Variants in PRKN observed in about 807,000 individuals in gnomAD.
PRKN encodes E3 ubiquitin-protein ligase parkin.
PRKN carries 56 observed loss-of-function variants against 59.5 expected under a neutral mutation model. The ratio of observed to expected loss-of-function variants is 0.94; its 90% CI spans 0.76 to 1.18. The LOEUF (loss-of-function observed/expected upper bound fraction) is 1.18. PRKN is among the 50% of genes most tolerant of loss of function. PRKN has a pLI of 0.00. For synonymous variants in PRKN, 250 were observed against 222.1 expected, an observed-to-expected ratio of 1.13 and a Z score of -1.12; for missense variants, 657 against 596.4, an observed-to-expected ratio of 1.10 and a Z score of -1.06.
intron 1 of PRKN, 21 bp from the exon 2 acceptor site, chr6:162,443,494 G>C: frequency 6.2e-7 from 1 of 1,613,122 alleles, no homozygotes; most frequent in South Asian, 1.1e-5. Context: ...AAATTGGAAG[G>C]GAGAAGAGAA....
chr6:162,599,238 CA>C (rs996860063), intron 1 of PRKN, among the ~76,000 whole-genome samples: 1 of 152,032 alleles, frequency 6.6e-6, no homozygotes, highest in Non-Finnish European at 1.5e-5. Flanking sequence ...TGAGTGGACA[CA>C]AAATAAGAGC....
chr6:162,162,122 G>A (rs767366532), intron 4 of PRKN, among the ~76,000 whole-genome samples: 14 of 151,860 alleles, frequency 9.2e-5, no homozygotes, highest in Non-Finnish European at 1.3e-4. Context: ...TCACTCTGTC[G>A]CCCAAGCTGG....
chr6:162,196,070 TGAG>T (rs984562593), intron 4 of PRKN, among the ~76,000 whole-genome samples: 6 of 152,192 alleles, frequency 3.9e-5, no homozygotes, highest in Non-Finnish European at 8.8e-5. Context: ...TTTGCTTTCT[TGAG>T]GAGGCACAAG....
rs140256504 is a variant in PRKN, at chr6:162,558,695, G to T, written c.8-115222C>A. ...ATTCTATCACTCAGGCTGGAGTGCA[G>T]TGGAGTGATCTTAGCCCATCACAGT... On this transcript the variant is annotated intron_variant, in intron 1 of 11. Transcript: ENST00000366898. Among the ~76,000 whole-genome samples, 159 of 151,384 alleles carry T rather than the reference G, an allele frequency of 1.1e-3. 3 individuals are homozygous for T. In the East Asian group the frequency reaches 0.025, roughly 24 times the overall value.
At chr6:162,300,417 GT>G (rs1268660923) in intron 2 of PRKN, among the ~76,000 whole-genome samples, 1 of 151,978 alleles carries the variant, frequency 6.6e-6, no homozygotes, top group Non-Finnish European at 1.5e-5. Flanking sequence ...GCTCATTTAG[GT>G]TTCTAAAAGA....
intron 1 of PRKN, among the ~76,000 whole-genome samples, chr6:162,546,904 C>T (rs536852740): frequency 1.3e-5 from 2 of 152,252 alleles, no homozygotes; most frequent in South Asian, 2.1e-4. Context: ...TTGATTCTGA[C>T]TTTTTTTCTC....
chr6:162,231,419 G>T (rs1219395120), intron 3 of PRKN, among the ~76,000 whole-genome samples: 1 of 152,184 alleles, frequency 6.6e-6, no homozygotes, highest in Non-Finnish European at 1.5e-5. Context: ...AAATGGGTAA[G>T]AAGTCATTGG....
At chr6:162,591,027 A>G (rs1781284472) in intron 1 of PRKN, among the ~76,000 whole-genome samples, 1 of 152,034 alleles carries the variant, frequency 6.6e-6, no homozygotes, top group Non-Finnish European at 1.5e-5. Context: ...CCCTCCTCTG[A>G]AGGAACAGGA....
chr6:162,067,819 T>C (rs192112752), intron 4 of PRKN, among the ~76,000 whole-genome samples: 143 of 152,354 alleles, frequency 9.4e-4, no homozygotes, highest in Non-Finnish European at 1.8e-3. Flanking sequence ...TGCTGAGATA[T>C]GTCCAAGGCT....
intron 2 of PRKN, among the ~76,000 whole-genome samples, chr6:162,364,653 G>T (rs1785326531): frequency 1.3e-5 from 2 of 152,194 alleles, no homozygotes; most frequent in Middle Eastern, 3.4e-3. Flanking sequence ...ACCTTTAAAG[G>T]ATTATCTTAA....
At chr6:162,093,862 C>G (rs1195326764) in intron 4 of PRKN, among the ~76,000 whole-genome samples, 2 of 152,174 alleles carry the variant, frequency 1.3e-5, no homozygotes, top group Non-Finnish European at 2.9e-5. Context: ...TGCACCTCAC[C>G]TCGTGCTGAG....
At chr6:161,982,904 TG>T (rs1465253248) in intron 5 of PRKN, among the ~76,000 whole-genome samples, 2 of 33,474 alleles carry the variant, frequency 6.0e-5, no homozygotes, top group Non-Finnish European at 1.0e-4. Context: ...AATTGACAAA[TG>T]GGATCTAATT....
intron 4 of PRKN, among the ~76,000 whole-genome samples, chr6:162,102,028 A>C (rs1361316538): frequency 2.0e-5 from 3 of 151,906 alleles, no homozygotes; most frequent in African/African-American, 7.3e-5. Flanking sequence ...CATTTTTCTA[A>C]TTTTCTCTTT....
intron 9 of PRKN, among the ~76,000 whole-genome samples, chr6:161,416,447 C>T (rs1787855322): frequency 6.6e-6 from 1 of 152,042 alleles, no homozygotes; most frequent in Non-Finnish European, 1.5e-5. Context: ...GATGCCAGTT[C>T]ATATTTGTTG....
chr6:161,565,332 C>G (rs1217621292), intron 8 of PRKN, among the ~76,000 whole-genome samples: 1 of 152,126 alleles, frequency 6.6e-6, no homozygotes, highest in Non-Finnish European at 1.5e-5. Context: ...AGTTTATTCC[C>G]TCCTCACCCT....
At chr6:162,664,126 G>A (rs1779004840) in intron 1 of PRKN, among the ~76,000 whole-genome samples, 3 of 152,114 alleles carry the variant, frequency 2.0e-5, no homozygotes, top group South Asian at 4.1e-4. Flanking sequence ...TCCCACCTAT[G>A]AGTGGGAACA....
At chr6:161,521,721 G>A (rs897846792) in intron 9 of PRKN, among the ~76,000 whole-genome samples, 17 of 152,062 alleles carry the variant, frequency 1.1e-4, no homozygotes, top group African/African-American at 3.9e-4. Flanking sequence ...TGACCCATTT[G>A]GGAGGTCCAT....
rs531974284 is a variant in PRKN, at chr6:162,204,254, A to AT, written c.413-3003dup. Among the ~76,000 whole-genome samples, 113 of 152,324 alleles carry AT rather than the reference A, an allele frequency of 7.4e-4. 4 individuals are homozygous for AT. In the East Asian group the frequency reaches 0.013, roughly 17 times the overall value. On this transcript the variant is annotated intron_variant, in intron 3 of 11. Transcript: ENST00000366898. ...GTTTGCAAGCTAATAAAAGATGACA[A>AT]TAAAAAATATTGGGGATTCTCTCGT...
chr6:162,518,309 A>G (rs1378190293), intron 1 of PRKN, among the ~76,000 whole-genome samples: 1 of 152,220 alleles, frequency 6.6e-6, no homozygotes, highest in Non-Finnish European at 1.5e-5. Flanking sequence ...TTATGTACAC[A>G]CAAATGCATA....
Sources: gnomAD v4.1 joint callset for allele counts (sites outside exome capture counted in the v4.1 genomes callset) on GRCh38, gnomAD v4.1.1 for gene constraint, MANE v1.5 for transcripts, NCBI Gene and HGNC (gene_info 2026-07-23, HGNC 2026-07-21) for gene names.